The following PCTP variants were observed in gnomAD, a reference collection of about 807,000 sequenced individuals.
PCTP encodes the protein phosphatidylcholine transfer protein.
In PCTP, 27 loss-of-function variants were observed where a neutral mutation model predicts 31.0. That is an observed-to-expected ratio of 0.87 (90% CI 0.64 to 1.20). PCTP has a LOEUF of 1.20. PCTP is among the 50% of genes most tolerant of loss of function. The pLI is 0.00. For missense variants in PCTP, 287 were observed against 268.2 expected (o/e 1.07, Z -0.49); for synonymous variants, 108 against 101.2 (o/e 1.07, Z -0.40).
intron 3 of PCTP, among the ~76,000 whole-genome samples, chr17:55,812,952 C>G (rs1912801742): frequency 6.6e-6 from 1 of 152,124 alleles, no homozygotes; most frequent in Non-Finnish European, 1.5e-5. Flanking sequence ...AGTTATCACT[C>G]CTCCCCACGG....
chr17:55,846,778 C>G (rs1906160262), downstream of PCTP, among the ~76,000 whole-genome samples: 1 of 152,180 alleles, frequency 6.6e-6, no homozygotes, highest in African/African-American at 2.4e-5. Flanking sequence ...GAGAAGAAAC[C>G]TCAGAGGTCA....
intron 3 of PCTP, among the ~76,000 whole-genome samples, chr17:55,795,146 A>T (rs1255897601): frequency 6.6e-6 from 1 of 152,030 alleles, no homozygotes; most frequent in Non-Finnish European, 1.5e-5. Context: ...TCCCCCTGCC[A>T]TCAGTTTTAT....
Position 55,751,068 on chromosome 17 carries a change from C to T in PCTP, c.-36C>T. ...GGCCCACACTAAGGGTGTCCGCGGC[C>T]TGCCCTCCAGGCGGAGGAGCCCGGA... On this transcript the variant is annotated 5_prime_UTR_variant, in exon 1 of 6. Transcript: ENST00000268896. 6.7e-7 allele frequency: 1 copy of T among 1,493,374 alleles called. No homozygotes were observed. Among genetic ancestry groups the T allele is most frequent in the Non-Finnish European group, 8.9e-7 (1 of 1,123,790 alleles). 92.5% of individuals were successfully genotyped at this position (1,493,374 alleles called of 1,614,324 possible).
At chr17:55,819,979 A>G (rs1913061633) in intron 3 of PCTP, among the ~76,000 whole-genome samples, 1 of 152,336 alleles carries the variant, frequency 6.6e-6, no homozygotes, top group East Asian at 1.9e-4. Context: ...ATGCAAAAGA[A>G]TGAAATTAGA....
rs2303506 is a variant in PCTP at position 55,776,780 on chromosome 17, T to C, written c.*680T>C. On this transcript the variant is annotated 3_prime_UTR_variant, in exon 6 of 6. Coordinates refer to ENST00000268896, the MANE Select transcript of PCTP (RefSeq NM_021213.4). ...CAGAGGCCTGACCGGACACATAATATGACAACCACATTTTTCCTCATCATC... is the reference window on the plus strand; with the variant it reads ...CAGAGGCCTGACCGGACACATAATACGACAACCACATTTTTCCTCATCATC... 0.77 allele frequency: 843,778 copies of C among 1,092,484 alleles called. 338,541 individuals are homozygous for C. The highest frequency in any genetic ancestry group is 0.86 in the East Asian group (15,422 of 17,978). The allele number at this position is 1,092,484 out of a possible 1,614,324, so 67.7% of individuals were successfully genotyped here. A position where few individuals can be genotyped will look rare whatever the true frequency, so the allele number is the denominator to read the frequency against.
At chr17:55,800,211 A>C (rs2145023612) in intron 3 of PCTP, among the ~76,000 whole-genome samples, 1 of 152,198 alleles carries the variant, frequency 6.6e-6, no homozygotes, top group South Asian at 2.1e-4. Flanking sequence ...CAGGTACACC[A>C]ATCAAATGGG....
chr17:55,827,624 A>G (rs1905444942), downstream of PCTP, among the ~76,000 whole-genome samples: 1 of 152,208 alleles, frequency 6.6e-6, no homozygotes, highest in African/African-American at 2.4e-5. Flanking sequence ...GTTGTTATCA[A>G]CCTACCACAG....
At chr17:55,779,922 T>C (rs1911500499), downstream of PCTP, among the ~76,000 whole-genome samples, 1 of 152,142 alleles carries the variant, frequency 6.6e-6, no homozygotes, top group Non-Finnish European at 1.5e-5. Context: ...TTGGCCCATG[T>C]TGGGGCGCAG....
At chr17:55,772,125 G>T (rs976238753) in intron 3 of PCTP, among the ~76,000 whole-genome samples, 3 of 152,130 alleles carry the variant, frequency 2.0e-5, no homozygotes, top group Non-Finnish European at 2.9e-5. Flanking sequence ...GGAGAGAGTG[G>T]AACAATATTT....
chr17:55,837,136 A>G (rs1392022102), intron 5 of PCTP, among the ~76,000 whole-genome samples: 1 of 152,216 alleles, frequency 6.6e-6, no homozygotes, highest in Non-Finnish European at 1.5e-5. Context: ...AGCAATGAGT[A>G]GAAGGAAAGT....
chr17:55,812,486 A>G (rs1912783980), intron 3 of PCTP, among the ~76,000 whole-genome samples: 1 of 152,230 alleles, frequency 6.6e-6, no homozygotes, highest in Non-Finnish European at 1.5e-5. Context: ...AAAACATGCA[A>G]TGTGGGAGTG....
At chr17:55,784,215 A>T (rs1198384570) in intron 2 of PCTP, among the ~76,000 whole-genome samples, 1 of 152,070 alleles carries the variant, frequency 6.6e-6, no homozygotes, top group Non-Finnish European at 1.5e-5. Flanking sequence ...GGATTAACTG[A>T]CCCAGATAAC....
At chr17:55,756,091 C>T (rs935288725) in intron 1 of PCTP, among the ~76,000 whole-genome samples, 1 of 152,212 alleles carries the variant, frequency 6.6e-6, no homozygotes, top group Non-Finnish European at 1.5e-5. Flanking sequence ...AGTCTCAGCT[C>T]TGTTCCTCTA....
chr17:55,771,300 T>A (rs1910995372), intron 3 of PCTP, 115 bp downstream of exon 3: 1 of 786,104 alleles, frequency 1.3e-6, no homozygotes, highest in African/African-American at 1.7e-5. Flanking sequence ...GATAACATTG[T>A]CTCTGATTCT....
At chr17:55,757,443 C>G (rs919478234) in intron 1 of PCTP, among the ~76,000 whole-genome samples, 1 of 59,314 alleles carries the variant, frequency 1.7e-5, no homozygotes, top group African/African-American at 3.3e-5. Flanking sequence ...AATGAGGAAA[C>G]TGAGACACAC....
chr17:55,772,323 C>T (rs1401025706), intron 3 of PCTP, among the ~76,000 whole-genome samples: 1 of 151,722 alleles, frequency 6.6e-6, no homozygotes, highest in African/African-American at 2.4e-5. Context: ...GCGGGTGGCT[C>T]ACGCCTGTAA....
chr17:55,794,869 C>G (rs1442802766), intron 3 of PCTP, among the ~76,000 whole-genome samples: 2 of 151,982 alleles, frequency 1.3e-5, no homozygotes, highest in African/African-American at 4.8e-5. Context: ...GTTAAACACT[C>G]TCATTATTAA....
chr17:55,817,535 G>A (rs1418906315), intron 3 of PCTP, among the ~76,000 whole-genome samples: 3 of 152,206 alleles, frequency 2.0e-5, no homozygotes, highest in Admixed American at 1.3e-4. Flanking sequence ...CAGTTCTTCC[G>A]GTAGAATGGG....
At chr17:55,782,324 C>T (rs1345023861), downstream of PCTP, among the ~76,000 whole-genome samples, 1 of 152,190 alleles carries the variant, frequency 6.6e-6, no homozygotes, top group African/African-American at 2.4e-5. Flanking sequence ...AATATCTGGA[C>T]AGCCCATAGC....
Sources: gnomAD v4.1 joint callset for allele counts (sites outside exome capture counted in the v4.1 genomes callset) on GRCh38, gnomAD v4.1.1 for gene constraint, MANE v1.5 for transcripts, NCBI Gene and HGNC (gene_info 2026-07-23, HGNC 2026-07-21) for gene names.